The following COL12A1 variants were observed in gnomAD, a reference collection of about 807,000 sequenced individuals.
COL12A1 encodes the protein collagen alpha-1(XII) chain.
A neutral mutation model predicts 349.7 loss-of-function variants in COL12A1; 114 were observed. That is an observed-to-expected ratio of 0.33 (90% CI 0.28 to 0.38). The LOEUF (loss-of-function observed/expected upper bound fraction) is 0.38, where lower values mean the gene tolerates loss of function less well. Ranked by LOEUF, COL12A1 falls within the 10% of genes least tolerant of loss-of-function variation. The pLI, the probability that COL12A1 is intolerant of heterozygous loss-of-function variation, is 1.00. For synonymous variants in COL12A1, 1,369 were observed against 1,329.0 expected, an observed-to-expected ratio of 1.03 and a Z score of -0.66; for missense variants, 3,284 against 3,756.9, an observed-to-expected ratio of 0.87 and a Z score of 3.29.
chr6:75,127,630 G>A (rs1410521478), intron 38 of COL12A1, among the ~76,000 whole-genome samples: 2 of 152,112 alleles, frequency 1.3e-5, no homozygotes, highest in African/African-American at 2.4e-5. Flanking sequence ...ACATCAGCAG[G>A]TCCAGCCCAC....
intron 52 of COL12A1, among the ~76,000 whole-genome samples, chr6:75,106,899 C>CTTTTTTTTTTTTTTTTTTTTTT (rs1160421791): frequency 2.4e-5 from 1 of 41,934 alleles, no homozygotes; most frequent in African/African-American, 7.7e-5. Context: ...TTTTCTTTTT[C>CTTTTTTTTTTTTTTTTTTTTTT]TTTTTTTTTT....
intron 10 of COL12A1, among the ~76,000 whole-genome samples, chr6:75,182,359 C>T (rs901921154): frequency 1.3e-5 from 2 of 152,008 alleles, no homozygotes; most frequent in Non-Finnish European, 2.9e-5. Context: ...ATCCCTCCCC[C>T]AGCCCCCCCA....
intron 13 of COL12A1, among the ~76,000 whole-genome samples, chr6:75,171,242 A>G (rs755213831): frequency 2.6e-5 from 4 of 152,210 alleles, no homozygotes; most frequent in Non-Finnish European, 5.9e-5. Flanking sequence ...ATCAAACCTA[A>G]TGATGTATGC....
At chr6:75,181,856 G>A (rs144032946) in intron 10 of COL12A1, among the ~76,000 whole-genome samples, 22 of 151,936 alleles carry the variant, frequency 1.4e-4, no homozygotes, top group Non-Finnish European at 2.8e-4. Flanking sequence ...TTGGGAGACT[G>A]AGGCAGGTGG....
At chr6:75,134,630 T>C in intron 32 of COL12A1, 96 bp downstream of exon 32, 1 of 1,147,018 alleles carries the variant, frequency 8.7e-7, no homozygotes, top group Non-Finnish European at 1.2e-6. Context: ...TAAATATTAG[T>C]AAAACTTTGT....
At chr6:75,109,287 T>C (rs1325489705) in intron 51 of COL12A1, 120 bp from the exon 52 acceptor site, 1 of 661,492 alleles carries the variant, frequency 1.5e-6, no homozygotes, top group East Asian at 3.3e-5. Flanking sequence ...AAATCAAAAG[T>C]CTTACTCTGA....
chr6:75,128,035 A>G (rs958357374), intron 38 of COL12A1, among the ~76,000 whole-genome samples: 1 of 152,182 alleles, frequency 6.6e-6, no homozygotes, highest in African/African-American at 2.4e-5. Flanking sequence ...AAGAAGAAAT[A>G]AAACTATCTT....
chr6:75,151,505 A>C (rs1021695048), intron 20 of COL12A1, among the ~76,000 whole-genome samples: 1 of 152,114 alleles, frequency 6.6e-6, no homozygotes, highest in Admixed American at 6.6e-5. Flanking sequence ...GCTTCTTCTA[A>C]ATGTATATAG....
At chr6:75,162,984 AT>A (rs1768101739) in intron 14 of COL12A1, among the ~76,000 whole-genome samples, 1 of 152,230 alleles carries the variant, frequency 6.6e-6, no homozygotes, top group African/African-American at 2.4e-5. Flanking sequence ...ACCAGTTAGA[AT>A]GGCAATCATT....
At chr6:75,174,820 C>T (rs1768830261) in intron 13 of COL12A1, among the ~76,000 whole-genome samples, 1 of 152,134 alleles carries the variant, frequency 6.6e-6, no homozygotes, top group Non-Finnish European at 1.5e-5. Context: ...CATCCAGCTC[C>T]CCAAGGCACT....
intron 2 of COL12A1, among the ~76,000 whole-genome samples, chr6:75,202,231 A>G (rs1770565579): frequency 6.6e-6 from 1 of 152,220 alleles, no homozygotes; most frequent in Admixed American, 6.5e-5. Flanking sequence ...CCCACAAAGC[A>G]CACAGAGGCG....
chr6:75,138,289 A>C, intron 30 of COL12A1, 31 bp downstream of exon 30: 1 of 1,580,522 alleles, frequency 6.3e-7, no homozygotes, highest in Non-Finnish European at 8.6e-7. Flanking sequence ...TTATTTGTTC[A>C]TTCAAACAAT....
intron 21 of COL12A1, among the ~76,000 whole-genome samples, chr6:75,149,721 C>A (rs192710176): frequency 5.5e-4 from 84 of 152,220 alleles, no homozygotes; most frequent in African/African-American, 1.9e-3. Context: ...AAAGCCTTTC[C>A]ATTCTTAGTA....
Position 75,191,718 on chromosome 6 carries a change from C to A in COL12A1, c.377G>T (p.Gly126Val), listed in dbSNP as rs1197378137. The change falls in exon 5 of 66, where the codon GGA becomes GTA. Residue 126 changes from glycine (G) to valine (V), a missense_variant. By Grantham distance (109) the Gly-to-Val change is moderately radical (BLOSUM62 -3). Coordinates refer to ENST00000322507, the MANE Select transcript of COL12A1 (RefSeq NM_004370.6). ...SSTKPVEKKPGKTEIQKCSVS... is the reference protein window; with the variant it reads ...SSTKPVEKKPVKTEIQKCSVS... ...ACACTCACTTTGTATCTCGGTTTTT[C>A]CAGGTTTCTTCTCCACTGGCTTTGT... is the stretch of plus-strand genomic sequence containing the variant. The A allele has an allele frequency of 6.3e-7, 1 of 1,595,438 alleles. No individual in the cohort carries two copies. The highest frequency in any genetic ancestry group is 1.4e-5 in the African/African-American group (1 of 73,628).
intron 26 of COL12A1, 169 bp downstream of exon 26, chr6:75,143,083 T>C: frequency 4.5e-6 from 3 of 672,538 alleles, no homozygotes; most frequent in Non-Finnish European, 7.4e-6. Flanking sequence ...GACAGTCCAA[T>C]ATATCATTGA....
At chr6:75,113,556 A>G (rs772107358) in intron 50 of COL12A1, 46 bp downstream of exon 50, 30 of 1,537,732 alleles carry the variant, frequency 2.0e-5, no homozygotes, top group Non-Finnish European at 2.6e-5. Context: ...AAAGAAAAAC[A>G]TAATCAAAAC....
At chr6:75,127,672 G>A (rs970932716) in intron 38 of COL12A1, among the ~76,000 whole-genome samples, 3 of 152,132 alleles carry the variant, frequency 2.0e-5, no homozygotes, top group African/African-American at 7.2e-5. Flanking sequence ...ATCTCTGGGA[G>A]TGGAACCCAG....
chr6:75,117,664 G>C, intron 46 of COL12A1, 118 bp from the exon 47 acceptor site: 1 of 1,041,618 alleles, frequency 9.6e-7, no homozygotes, highest in Non-Finnish European at 1.4e-6. Flanking sequence ...TATGCAGCAA[G>C]TCCTTTTACT....
chr6:75,138,718 A>G, intron 28 of COL12A1, 104 bp downstream of exon 28: 2 of 1,565,558 alleles, frequency 1.3e-6, no homozygotes, highest in Non-Finnish European at 1.7e-6. Flanking sequence ...TCAAATGTCA[A>G]TAAATGCTTA....
Sources: gnomAD v4.1 joint callset for allele counts (sites outside exome capture counted in the v4.1 genomes callset) on GRCh38, gnomAD v4.1.1 for gene constraint, MANE v1.5 for transcripts, NCBI Gene and HGNC (gene_info 2026-07-23, HGNC 2026-07-21) for gene names.